The following RNF166 variants were observed in gnomAD, a reference collection of about 807,000 sequenced individuals.
RNF166 encodes the protein ring finger protein 166, also known as E3 ubiquitin-protein ligase RNF166.
RNF166 carries 19 observed loss-of-function variants against 29.4 expected under a neutral mutation model. The observed-to-expected ratio is 0.65, with a 90% CI of 0.45 to 0.95. The LOEUF (loss-of-function observed/expected upper bound fraction) is 0.95. Ranked by LOEUF, RNF166 falls within the 40% of genes least tolerant of loss-of-function variation. The pLI is 0.00. For synonymous variants in RNF166, 171 were observed against 134.5 expected (o/e 1.27, Z -1.88); for missense variants, 347 against 322.1 (o/e 1.08, Z -0.59).
At chr16:88,701,002 T>G in intron 2 of RNF166, 1 of 1,352,900 alleles carries the variant, frequency 7.4e-7, no homozygotes. Context: ...CCCACGTGGG[T>G]TCCCCTGGCC....
Position 88,703,447 on chromosome 16 carries a change from G to A in RNF166, c.156-2029C>T, listed in dbSNP as rs557156616. 6.5e-5 allele frequency: 64 copies of A among 985,420 alleles called. No homozygotes were observed. The Middle Eastern group carries it at 1.6e-3, about 24-fold the overall frequency. The allele number at this position is 985,420 out of a possible 1,614,324, so 61.0% of individuals were successfully genotyped here. On this transcript the variant is annotated intron_variant, in intron 1 of 5. Coordinates refer to ENST00000312838, the MANE Select transcript of RNF166 (RefSeq NM_178841.4). Reference sequence around the variant, plus strand: ...GGTTGGCTGGGAGGAAGACAGCCTCGTCCTCCCCGGAAGGACTCAGGAAAG... The same window carrying A: ...GGTTGGCTGGGAGGAAGACAGCCTCATCCTCCCCGGAAGGACTCAGGAAAG...
chr16:88,704,614 A>C (rs1345322043), intron 1 of RNF166: 19 of 955,438 alleles, frequency 2.0e-5, no homozygotes, highest in Non-Finnish European at 2.4e-5. Context: ...TTCTAAAACA[A>C]GGCCTAAGTC....
In RNF166 at chr16:88,698,043, G is replaced by A. The variant is rs933740550; in HGVS notation, c.649-410C>T. ...AGCCAGGGCCAGGAATGAACAGGGC[G>A]GCGCAGGGAGGGGCCGCACCAGGAG... On this transcript the variant is annotated intron_variant, in intron 5 of 5. Coordinates refer to ENST00000312838, the MANE Select transcript of RNF166 (RefSeq NM_178841.4). 4.5e-5 allele frequency: 24 copies of A among 536,226 alleles called. No homozygotes were observed. In the Admixed American group the frequency reaches 6.1e-4, roughly 14 times the overall value. The allele number at this position is 536,226 out of a possible 1,614,324, so 33.2% of individuals were successfully genotyped here. A position where few individuals can be genotyped will look rare whatever the true frequency, so the allele number is the denominator to read the frequency against.
intron 1 of RNF166, chr16:88,704,106 G>A: frequency 1.0e-6 from 1 of 985,442 alleles, no homozygotes. Context: ...CTTGCCATGA[G>A]AGATCTACCC....
chr16:88,703,258 G>C lies in RNF166; in HGVS notation c.156-1840C>G, dbSNP rs562067953. On this transcript the variant is annotated intron_variant, in intron 1 of 5. Coordinates refer to ENST00000312838, the MANE Select transcript of RNF166 (RefSeq NM_178841.4). ...ATCTTCTAGAATTGCATCGATTGTT[G>C]CATAATTGCAAACACACTGGAAACG... 56 of 979,138 alleles carry C rather than the reference G, an allele frequency of 5.7e-5. No individual in the cohort carries two copies. In the South Asian group the frequency reaches 2.5e-3, roughly 44 times the overall value. The allele number at this position is 979,138 out of a possible 1,614,324, so 60.7% of individuals were successfully genotyped here. A position where few individuals can be genotyped will look rare whatever the true frequency, so the allele number is the denominator to read the frequency against.
At chr16:88,702,891 G>A in intron 1 of RNF166, 1 of 985,518 alleles carries the variant, frequency 1.0e-6, no homozygotes, top group Non-Finnish European at 1.2e-6. Flanking sequence ...GGAAGGTGCT[G>A]GCAAGATGGT....
intron 1 of RNF166, chr16:88,703,136 C>T (rs1398557680): frequency 2.0e-6 from 2 of 985,508 alleles, no homozygotes; most frequent in Non-Finnish European, 2.4e-6. Context: ...TCCACTCACG[C>T]TCAACGTCCA....
At chr16:88,704,944 G>A (rs913488127) in intron 1 of RNF166, among the ~76,000 whole-genome samples, 6 of 152,190 alleles carry the variant, frequency 3.9e-5, no homozygotes, top group African/African-American at 1.2e-4. Context: ...GAGCCGAGAT[G>A]GCGCCACTGC....
chr16:88,702,979 C>T (rs568364125), intron 1 of RNF166: 104 of 985,552 alleles, frequency 1.1e-4, no homozygotes, highest in South Asian at 6.1e-4. Flanking sequence ...AGGTGCCCGT[C>T]GGTAAACGGA....
Position 88,706,294 on chromosome 16 carries a change from G to A in RNF166, c.32C>T (p.Ala11Val). 1 of 1,279,240 alleles carries A rather than the reference G, an allele frequency of 7.8e-7. No individual in the cohort carries two copies. The highest frequency in any genetic ancestry group is 9.9e-7 in the Non-Finnish European group (1 of 1,013,866). The allele number at this position is 1,279,240 out of a possible 1,614,324, so 79.2% of individuals were successfully genotyped here. ...CCCGGCCGGCGGCTGCCGCTGCTGA[G>A]CCGAGGCCACCAGGCTGCGGAACAT... MAMFRSLVAS[A>V]QQRQPPAGPA... The change falls in exon 1 of 6, where the codon GCT becomes GTT. Residue 11 changes from alanine to valine, a missense_variant. Ala to Val is a moderately conservative substitution (Grantham distance 64). Transcript: ENST00000312838.
chr16:88,699,153 C>A, intron 3 of RNF166, 68 bp from the exon 4 acceptor site: 2 of 1,122,244 alleles, frequency 1.8e-6, no homozygotes, highest in Non-Finnish European at 2.6e-6. Context: ...CCGCTTCTCT[C>A]AAACACAGGC....
intron 3 of RNF166, 72 bp from the exon 4 acceptor site, chr16:88,699,157 C>G: frequency 2.7e-6 from 3 of 1,098,334 alleles, no homozygotes; most frequent in Non-Finnish European, 4.1e-6. Context: ...TTCTCTCAAA[C>G]ACAGGCGTGG....
At chr16:88,701,192 T>C in intron 2 of RNF166, 70 bp downstream of exon 2, 10 of 1,583,390 alleles carry the variant, frequency 6.3e-6, no homozygotes, top group Non-Finnish European at 8.7e-6. Flanking sequence ...CCCCACCCTC[T>C]GCAGAACCCG....
chr16:88,701,166 G>C (rs1215131740), intron 2 of RNF166, 96 bp downstream of exon 2: 25 of 1,492,042 alleles, frequency 1.7e-5, no homozygotes, highest in Non-Finnish European at 2.2e-5. Flanking sequence ...CAACAGGAAA[G>C]AGAGAGGGCC....
At chr16:88,705,598 T>C (rs1331983083) in intron 1 of RNF166, among the ~76,000 whole-genome samples, 1 of 152,220 alleles carries the variant, frequency 6.6e-6, no homozygotes, top group Non-Finnish European at 1.5e-5. Context: ...TCTGCTCCTC[T>C]GTGGACCAGC....
intron 4 of RNF166, 57 bp from the exon 5 acceptor site, chr16:88,698,666 A>G (rs1438641318): frequency 1.5e-6 from 2 of 1,342,254 alleles, no homozygotes; most frequent in East Asian, 2.5e-5. Context: ...GGGTAGCCGC[A>G]GTAGGACTGG....
chr16:88,700,596 G>A (rs1597406147), intron 2 of RNF166: 9 of 985,540 alleles, frequency 9.1e-6, no homozygotes, highest in Non-Finnish European at 9.6e-6. Context: ...GGCAACGTCG[G>A]GAAACGCAAA....
chr16:88,704,512 G>A (rs368243494), intron 1 of RNF166: 5 of 985,396 alleles, frequency 5.1e-6, no homozygotes, highest in Non-Finnish European at 6.0e-6. Flanking sequence ...GAAAAAGAAG[G>A]GCAAAGACCA....
intron 1 of RNF166, chr16:88,702,768 C>A: frequency 1.0e-6 from 1 of 985,466 alleles, no homozygotes; most frequent in Non-Finnish European, 1.2e-6. Context: ...GCTCACTTTA[C>A]CCACCTCACC....
Sources: gnomAD v4.1 joint callset for allele counts (sites outside exome capture counted in the v4.1 genomes callset) on GRCh38, gnomAD v4.1.1 for gene constraint, MANE v1.5 for transcripts, NCBI Gene and HGNC (gene_info 2026-07-23, HGNC 2026-07-21) for gene names.